Variants in EEPD1 observed in about 807,000 individuals in gnomAD.
EEPD1 encodes the protein endonuclease/exonuclease/phosphatase family domain-containing protein 1.
In EEPD1, 17 loss-of-function variants were observed where a neutral mutation model predicts 46.3. The ratio of observed to expected loss-of-function variants is 0.37; its 90% CI spans 0.25 to 0.55. The LOEUF (loss-of-function observed/expected upper bound fraction) is 0.55. EEPD1 is among the 20% of genes least tolerant of loss of function. The pLI is 0.83. For missense variants in EEPD1, 673 were observed against 745.6 expected (o/e 0.90, Z 1.13); for synonymous variants, 313 against 315.6 (o/e 0.99, Z 0.09).
rs781152945 is a variant in EEPD1, at chr7:36,154,315, C to G, written c.-10C>G. ...GTGCGGCCTTCCCGGGAGCCTGATC[C>G]TGGCGGACCATGGGGAGCACCCTGG... On this transcript the variant is annotated 5_prime_UTR_variant, in exon 2 of 8. Coordinates refer to ENST00000242108, the MANE Select transcript of EEPD1 (RefSeq NM_030636.3). The surrounding 1 kb of genome is among the most constrained non-coding windows in gnomAD (Gnocchi z 4.2). 2.5e-6 allele frequency: 4 copies of G among 1,603,110 alleles called. No individual in the cohort carries two copies. In the African/African-American group the frequency reaches 5.3e-5, roughly 21 times the overall value.
intron 2 of EEPD1, among the ~76,000 whole-genome samples, chr7:36,164,159 C>G (rs1197091103): frequency 1.3e-5 from 2 of 152,198 alleles, no homozygotes; most frequent in African/African-American, 2.4e-5. Flanking sequence ...TATGACTTTT[C>G]TGTCTTTTAT....
chr7:36,295,926 G>A (rs1787517016), intron 6 of EEPD1, among the ~76,000 whole-genome samples: 1 of 151,494 alleles, frequency 6.6e-6, no homozygotes, highest in South Asian at 2.1e-4. Context: ...AGCTACTCAG[G>A]AGGCTGAGGC....
At chr7:36,196,172 G>A (rs1583801073) in intron 2 of EEPD1, among the ~76,000 whole-genome samples, 1 of 152,202 alleles carries the variant, frequency 6.6e-6, no homozygotes, top group African/African-American at 2.4e-5. Context: ...CACCATGAAT[G>A]GAGCTTGCAG....
At chr7:36,182,461 G>T (rs1785286119) in intron 2 of EEPD1, among the ~76,000 whole-genome samples, 1 of 152,104 alleles carries the variant, frequency 6.6e-6, no homozygotes, top group African/African-American at 2.4e-5. Flanking sequence ...TGATTTTTTT[G>T]AACCATGTGA....
intron 2 of EEPD1, among the ~76,000 whole-genome samples, chr7:36,186,006 C>G (rs182193492): frequency 2.3e-4 from 35 of 152,270 alleles, no homozygotes; most frequent in African/African-American, 7.5e-4. Context: ...ATTTGAAGTG[C>G]ATTTACCCTC....
At chr7:36,159,242 T>G (rs1784867889) in intron 2 of EEPD1, among the ~76,000 whole-genome samples, 1 of 152,206 alleles carries the variant, frequency 6.6e-6, no homozygotes, top group Admixed American at 6.5e-5. Flanking sequence ...TAAGTCAATG[T>G]AGATTAGTTT....
At chr7:36,186,452 G>A (rs553768116) in intron 2 of EEPD1, among the ~76,000 whole-genome samples, 2 of 152,248 alleles carry the variant, frequency 1.3e-5, no homozygotes, top group East Asian at 3.9e-4. Context: ...CATTTCTCTG[G>A]CCCCAACTTC....
intron 2 of EEPD1, among the ~76,000 whole-genome samples, chr7:36,189,565 G>A (rs1785425683): frequency 6.6e-6 from 1 of 152,190 alleles, no homozygotes; most frequent in Non-Finnish European, 1.5e-5. Flanking sequence ...AATCTGATCA[G>A]TAAGGGGTTT....
chr7:36,201,423 T>G (rs1252396847), intron 2 of EEPD1, among the ~76,000 whole-genome samples: 4 of 152,206 alleles, frequency 2.6e-5, no homozygotes, highest in Admixed American at 6.5e-5. Flanking sequence ...CACCAGGGCA[T>G]GGAGAAAAGC....
intron 2 of EEPD1, among the ~76,000 whole-genome samples, chr7:36,186,231 T>A (rs1443982785): frequency 6.6e-6 from 1 of 152,098 alleles, no homozygotes; most frequent in Non-Finnish European, 1.5e-5. Flanking sequence ...CACAATGCTT[T>A]CTCCTGCCTC....
chr7:36,301,144 G>A lies in EEPD1; in HGVS notation c.*1938G>A, dbSNP rs118038635. On this transcript the variant is annotated 3_prime_UTR_variant, in exon 8 of 8. Transcript: ENST00000242108. ...ATCCAATCAGATGACCTTTGTGTTC[G>A]TAATCGGGCTTGAGCCAGAGGCTGG... The A allele has an allele frequency of 0.018, 2,748 of 152,314 alleles. 35 individuals are homozygous for A. Among genetic ancestry groups the A allele is most frequent in the Non-Finnish European group, 0.027 (1,850 of 68,036 alleles). 9.4% of individuals were successfully genotyped at this position (152,314 alleles called of 1,614,324 possible).
chr7:36,155,817 C>CGT (rs1043750400), intron 2 of EEPD1, among the ~76,000 whole-genome samples: 16 of 152,102 alleles, frequency 1.1e-4, no homozygotes, highest in Non-Finnish European at 2.1e-4. Context: ...AGCAAGCTGA[C>CGT]GTGTGTGTGT....
intron 2 of EEPD1, among the ~76,000 whole-genome samples, chr7:36,200,502 T>A (rs1303126797): frequency 6.6e-6 from 1 of 152,228 alleles, no homozygotes; most frequent in East Asian, 1.9e-4. Context: ...ATCACATTGC[T>A]TTAAGCATGC....
rs196621 is a variant in EEPD1, at chr7:36,300,815, G to A, written c.*1609G>A. On this transcript the variant is annotated 3_prime_UTR_variant, in exon 8 of 8. Transcript: ENST00000242108. ...CTCTAAGGGTACTTGGGAATCAATTGTGTCCATTCTGAGGTCTCTCCAGTG... is the reference window on the plus strand; with the variant it reads ...CTCTAAGGGTACTTGGGAATCAATTATGTCCATTCTGAGGTCTCTCCAGTG... The A allele has an allele frequency of 0.028, 4,332 of 152,340 alleles. 80 individuals are homozygous for A. Among genetic ancestry groups the A allele is most frequent in the Middle Eastern group, 0.061 (18 of 294 alleles). The allele number at this position is 152,340 out of a possible 1,614,324, so 9.4% of individuals were successfully genotyped here.
At chr7:36,240,028 A>G (rs1170067235) in intron 3 of EEPD1, among the ~76,000 whole-genome samples, 1 of 152,184 alleles carries the variant, frequency 6.6e-6, no homozygotes, top group Non-Finnish European at 1.5e-5. Context: ...TAGTCCCAGC[A>G]CTTTGGGAGA....
intron 5 of EEPD1, among the ~76,000 whole-genome samples, chr7:36,285,734 AGTT>A: frequency 6.6e-6 from 1 of 152,188 alleles, no homozygotes; most frequent in African/African-American, 2.4e-5. Context: ...GCTCCAGAGC[AGTT>A]CTTGAACCTG....
chr7:36,171,479 G>A (rs1383720130), intron 2 of EEPD1, among the ~76,000 whole-genome samples: 1 of 152,156 alleles, frequency 6.6e-6, no homozygotes, highest in Non-Finnish European at 1.5e-5. Context: ...CAAAGCCCTT[G>A]GAATTATCTT....
intron 2 of EEPD1, among the ~76,000 whole-genome samples, chr7:36,211,746 G>T (rs1228356111): frequency 6.6e-5 from 10 of 152,022 alleles, no homozygotes. Context: ...CGAACATGGC[G>T]AAACCCTGTC....
intron 2 of EEPD1, among the ~76,000 whole-genome samples, chr7:36,160,872 C>T (rs1303894328): frequency 1.3e-5 from 2 of 152,084 alleles, no homozygotes; most frequent in Non-Finnish European, 2.9e-5. Flanking sequence ...TTGAAATGCT[C>T]TGAGGTTTCT....
Sources: allele counts gnomAD v4.1 joint callset (sites outside exome capture counted in the v4.1 genomes callset), GRCh38; gene constraint gnomAD v4.1.1; non-coding constraint Gnocchi (gnomAD v3.1); transcripts MANE v1.5; gene names NCBI Gene and HGNC (gene_info 2026-07-23, HGNC 2026-07-21).